Variants in PRDM16 observed in about 807,000 individuals in gnomAD.
The protein encoded by PRDM16 is histone-lysine N-methyltransferase PRDM16.
A neutral mutation model predicts 110.6 loss-of-function variants in PRDM16; 23 were observed. The observed-to-expected ratio is 0.21, with a 90% CI of 0.15 to 0.29. The LOEUF is 0.29. Among genes scored for constraint, PRDM16 ranks in the 10% least tolerant of loss-of-function variants. PRDM16 has a pLI of 1.00. For synonymous variants in PRDM16, 799 were observed against 781.8 expected (o/e 1.02, Z -0.37); for missense variants, 1,615 against 1,794.3 (o/e 0.90, Z 1.81).
intron 1 of PRDM16, among the ~76,000 whole-genome samples, chr1:3,180,953 C>T (rs77989147): frequency 0.052 from 7,743 of 150,252 alleles, 227 homozygotes; most frequent in Admixed American, 0.07. Flanking sequence ...GCCTTACACA[C>T]GCAGTCTTAC....
At chr1:3,173,436 G>A (rs758319673) in intron 1 of PRDM16, among the ~76,000 whole-genome samples, 28 of 152,236 alleles carry the variant, frequency 1.8e-4, no homozygotes, top group Non-Finnish European at 2.9e-4. Flanking sequence ...ATAAATAATC[G>A]TCTTAGAATA....
rs149145604 is a variant in PRDM16, at chr1:3,334,907, A to G, written c.439-50245A>G. Among the ~76,000 whole-genome samples the G allele has an allele frequency of 4.2e-4, 64 of 152,336 alleles. No homozygotes were observed. The East Asian group carries it at 0.01, about 24-fold the overall frequency. ...CTGAGGTCGCCAACTAGGATCAGCA[A>G]TGGCCTGCGCCTTCCGCGGAGGGCC... On this transcript the variant is annotated intron_variant, in intron 3 of 16. Transcript: ENST00000270722.
chr1:3,227,466 C>T (rs978902208), intron 2 of PRDM16, among the ~76,000 whole-genome samples: 19 of 152,238 alleles, frequency 1.2e-4, no homozygotes, highest in African/African-American at 4.1e-4. Flanking sequence ...AAAAAGATTG[C>T]GGTGTCTCTC....
At chr1:3,202,727 G>A (rs551120458) in intron 2 of PRDM16, among the ~76,000 whole-genome samples, 3 of 152,256 alleles carry the variant, frequency 2.0e-5, no homozygotes, top group Admixed American at 6.5e-5. Flanking sequence ...TCACAGAGCC[G>A]GGGCCCTGGC....
At chr1:3,343,213 C>T (rs1447977252) in intron 3 of PRDM16, among the ~76,000 whole-genome samples, 1 of 148,674 alleles carries the variant, frequency 6.7e-6, no homozygotes, top group Non-Finnish European at 1.5e-5. Context: ...AAGAATATCT[C>T]ATTGTGGATC....
At position 3,412,559 on chromosome 1, in the gene PRDM16, A is replaced by G. The variant is rs768208960; in HGVS notation, c.2362A>G (p.Met788Val). The G allele has an allele frequency of 1.2e-6, 2 of 1,611,476 alleles. No individual in the cohort carries two copies. Among genetic ancestry groups the G allele is most frequent in the Non-Finnish European group, 1.7e-6 (2 of 1,179,702 alleles). The change falls in exon 9 of 17, where the codon ATG becomes GTG. Residue 788 changes from methionine (M) to valine (V), a missense_variant. By Grantham distance (21) the Met-to-Val change is conservative. Around this residue, in one of 5 missense-constraint regions of PRDM16, gnomAD observed 772 missense variants for 748.3 expected, o/e 1.03. Coordinates refer to ENST00000270722, the MANE Select transcript of PRDM16 (RefSeq NM_022114.4). ...CAAAGACGTGAAGCCCATCCTGCCC[A>G]TGCCCAAGGGCCCCTCGGCCCCCGC... ...KPKDVKPILP[M>V]PKGPSAPASG...
chr1:3,390,382 T>C lies in PRDM16; in HGVS notation c.573+5096T>C, dbSNP rs549978491. 9.7e-4 allele frequency among the ~76,000 whole-genome samples: 147 copies of C among 152,250 alleles called. 1 individual carries two copies. The highest frequency in any genetic ancestry group is 3.4e-3 in the African/African-American group (143 of 41,538). ...GTACCACGGAACGGCTGTAGGGCTC[T>C]CAAACGACCTGTAGCACCCCTGGAT... On this transcript the variant is annotated intron_variant, in intron 4 of 16. Transcript: ENST00000270722. The surrounding 1 kb of genome is among the most constrained non-coding windows in gnomAD (Gnocchi z 5.0).
intron 3 of PRDM16, among the ~76,000 whole-genome samples, chr1:3,247,594 G>T (rs567887559): frequency 2.0e-5 from 3 of 152,328 alleles, no homozygotes; most frequent in South Asian, 4.1e-4. Context: ...CTTCAGCTTC[G>T]CCCTGGACTC....
chr1:3,275,933 C>G (rs1302462624), intron 3 of PRDM16, among the ~76,000 whole-genome samples: 1 of 152,250 alleles, frequency 6.6e-6, no homozygotes, highest in Non-Finnish European at 1.5e-5. Flanking sequence ...GTTTCCCTTT[C>G]TCTGTGACCC....
At chr1:3,283,062 C>T (rs549417665) in intron 3 of PRDM16, among the ~76,000 whole-genome samples, 13 of 152,344 alleles carry the variant, frequency 8.5e-5, no homozygotes, top group East Asian at 5.8e-4. Context: ...TGGGAGGCAG[C>T]GCTTCCCGAG....
At chr1:3,161,015 AG>A (rs1473313661) in intron 1 of PRDM16, among the ~76,000 whole-genome samples, 3 of 152,280 alleles carry the variant, frequency 2.0e-5, no homozygotes, top group African/African-American at 7.2e-5. Flanking sequence ...GGGAAAAGGC[AG>A]AGACTGGTAA....
rs779219975 is a variant in PRDM16 at position 3,430,954 on chromosome 1, G to A, written c.3367G>A (p.Asp1123Asn). The change falls in exon 15 of 17, where the codon GAC (aspartate) becomes AAC (asparagine). Residue 1123 changes from aspartate to asparagine, a missense_variant. Transcript: ENST00000270722. ...GCAGGAGGACGTGGAGGAGGAGGAC[G>A]ACGATGACCTGGAGGAGGACGATGA... ...EKQEDVEEEDDDDLEEDDEDS... is the reference protein window; with the variant it reads ...EKQEDVEEEDNDDLEEDDEDS... 5.0e-6 allele frequency: 8 copies of A among 1,613,416 alleles called. No homozygotes were observed. Among genetic ancestry groups the A allele is most frequent in the South Asian group, 1.1e-5 (1 of 90,956 alleles).
At chr1:3,180,615 C>T (rs189621273) in intron 1 of PRDM16, among the ~76,000 whole-genome samples, 3 of 152,282 alleles carry the variant, frequency 2.0e-5, no homozygotes, top group East Asian at 3.9e-4. Flanking sequence ...GGGGCCTAGA[C>T]GAGGGCAGCC....
rs1017426272 is a variant in PRDM16 at position 3,201,285 on chromosome 1, T to C, written c.387+14811T>C. 7.9e-5 allele frequency among the ~76,000 whole-genome samples: 5 copies of C among 62,918 alleles called. No individual in the cohort carries two copies. The highest frequency in any genetic ancestry group is 1.6e-4 in the Non-Finnish European group (5 of 30,376). 41.3% of individuals were successfully genotyped at this position (62,918 alleles called of 152,430 possible). On this transcript the variant is annotated intron_variant, in intron 2 of 16. Transcript: ENST00000270722. The surrounding 1 kb of genome is among the most constrained non-coding windows in gnomAD (Gnocchi z 4.1). ...TTTCTCTTGCCTCTAAAATTCGCTT[T>C]GTCATGGGATTTAAAATTACTTCAA...
In PRDM16 at chr1:3,069,592, C is replaced by A. The variant is rs559414253; in HGVS notation, c.37+296C>A. ...CTCGGGCCCGGGAACCCGAGGCGCGCGGTGGGGGCCGGGGAGGGGGGCGGA... is the reference window on the plus strand; with the variant it reads ...CTCGGGCCCGGGAACCCGAGGCGCGAGGTGGGGGCCGGGGAGGGGGGCGGA... On this transcript the variant is annotated intron_variant, in intron 1 of 16. Transcript: ENST00000270722. This position sits in a 1 kb window ranked among gnomAD's most constrained non-coding sequence, Gnocchi z 6.1. Among the ~76,000 whole-genome samples the A allele has an allele frequency of 1.4e-5, 2 of 147,040 alleles. No homozygotes were observed. The highest frequency in any genetic ancestry group is 3.0e-5 in the Non-Finnish European group (2 of 66,150).
At chr1:3,289,869 G>C (rs898529403) in intron 3 of PRDM16, among the ~76,000 whole-genome samples, 1 of 148,744 alleles carries the variant, frequency 6.7e-6, no homozygotes, top group South Asian at 2.2e-4. Flanking sequence ...CCAGGGCACC[G>C]AGACCCCACT....
chr1:3,315,159 G>A (rs575117736), intron 3 of PRDM16, among the ~76,000 whole-genome samples: 6 of 148,418 alleles, frequency 4.0e-5, no homozygotes, highest in Non-Finnish European at 5.9e-5. Flanking sequence ...GCTTCACTCC[G>A]TGTCTCCCCC....
At chr1:3,418,785 G>C (rs1316181799) in intron 12 of PRDM16, 41 bp downstream of exon 12, 1 of 1,482,664 alleles carries the variant, frequency 6.7e-7, no homozygotes, top group East Asian at 2.3e-5. Flanking sequence ...GGGGCCGCCT[G>C]CCTCCGTGCA....
At chr1:3,293,016 T>C (rs1333347505) in intron 3 of PRDM16, among the ~76,000 whole-genome samples, 2 of 152,250 alleles carry the variant, frequency 1.3e-5, no homozygotes, top group African/African-American at 4.8e-5. Flanking sequence ...CGGCTGTCTT[T>C]CTGCAGTTAA....
Sources: allele counts gnomAD v4.1 joint callset (sites outside exome capture counted in the v4.1 genomes callset), GRCh38; gene constraint gnomAD v4.1.1; regional missense constraint gnomAD v4.1.1; non-coding constraint Gnocchi (gnomAD v3.1); transcripts MANE v1.5; gene names NCBI Gene and HGNC (gene_info 2026-07-23, HGNC 2026-07-21).